Variants in THADA observed in about 807,000 individuals in gnomAD.
The protein encoded by THADA is tRNA (32-2'-O)-methyltransferase regulator THADA.
A neutral mutation model predicts 219.8 loss-of-function variants in THADA; 213 were observed. The ratio of observed to expected loss-of-function variants is 0.97; its 90% CI spans 0.87 to 1.09. The LOEUF (loss-of-function observed/expected upper bound fraction) is 1.09, where lower values mean the gene tolerates loss of function less well. Among genes scored for constraint, THADA ranks in the 50% least tolerant of loss-of-function variants. The pLI is 0.00. For missense variants in THADA, 2,956 were observed against 2,311.3 expected, an observed-to-expected ratio of 1.28 and a Z score of -5.72; for synonymous variants, 1,018 against 828.9, an observed-to-expected ratio of 1.23 and a Z score of -3.92.
rs1331011406 is a variant in THADA at position 43,574,988 on chromosome 2, G to C, written c.1077C>G (p.Ile359Met). ...EPTLEMFLSR[I>M]LASWTNSAIQ... ...TGGCTGAATTAGTCCAGGATGCTAA[G>C]ATTCTAGACAGAAACATTTCCAGCG... is the stretch of plus-strand genomic sequence containing the variant. Residue 359 changes from isoleucine to methionine, a missense_variant, in exon 11 of 38, where the codon ATC (isoleucine) becomes ATG (methionine). Physicochemically the swap from Ile to Met is conservative, Grantham distance 10. Transcript: ENST00000405975. 1.2e-6 allele frequency: 2 copies of C among 1,613,218 alleles called. No individual in the cohort carries two copies. The highest frequency in any genetic ancestry group is 1.7e-6 in the Non-Finnish European group (2 of 1,179,566).
chr2:43,539,236 T>G (rs905853220), intron 21 of THADA, among the ~76,000 whole-genome samples: 15 of 152,328 alleles, frequency 9.8e-5, no homozygotes, highest in African/African-American at 3.6e-4. Context: ...GTTTTACCAC[T>G]AGGCACAGAT....
intron 21 of THADA, among the ~76,000 whole-genome samples, chr2:43,540,697 T>C (rs898708283): frequency 2.6e-5 from 4 of 152,200 alleles, no homozygotes; most frequent in Admixed American, 6.5e-5. Flanking sequence ...GTGAACTAAC[T>C]TTGTGGTCTT....
intron 25 of THADA, among the ~76,000 whole-genome samples, chr2:43,496,414 T>C (rs1170238520): frequency 6.6e-6 from 1 of 152,182 alleles, no homozygotes; most frequent in Non-Finnish European, 1.5e-5. Context: ...CAAAAGAAAA[T>C]GCGACTCAGT....
intron 36 of THADA, among the ~76,000 whole-genome samples, chr2:43,235,892 C>T (rs1378025679): frequency 6.6e-6 from 1 of 151,832 alleles, no homozygotes; most frequent in Non-Finnish European, 1.5e-5. Context: ...CTGCAAGCTC[C>T]GTCTCCCGGG....
At chr2:43,397,499 A>C (rs1292275067) in intron 29 of THADA, among the ~76,000 whole-genome samples, 1 of 152,130 alleles carries the variant, frequency 6.6e-6, no homozygotes, top group Non-Finnish European at 1.5e-5. Flanking sequence ...AGCACAGAGA[A>C]AACAGGAAAG....
intron 9 of THADA, among the ~76,000 whole-genome samples, 168 bp from the exon 10 acceptor site, chr2:43,577,410 G>GA (rs1699975390): frequency 2.0e-5 from 3 of 151,704 alleles, no homozygotes; most frequent in South Asian, 4.1e-4. Flanking sequence ...AGTATTAAAG[G>GA]AAAAAAATTA....
chr2:43,354,492 C>T (rs1573230490), intron 29 of THADA, among the ~76,000 whole-genome samples: 1 of 151,256 alleles, frequency 6.6e-6, no homozygotes, highest in South Asian at 2.1e-4. Flanking sequence ...TTTTTGTACC[C>T]ATTAACTATC....
chr2:43,567,273 C>A (rs189312669), intron 14 of THADA, among the ~76,000 whole-genome samples: 6 of 152,102 alleles, frequency 3.9e-5, no homozygotes, highest in Non-Finnish European at 7.4e-5. Context: ...AGAAATAGGG[C>A]CATTACTGAA....
chr2:43,417,574 C>T (rs1041416399), intron 28 of THADA, among the ~76,000 whole-genome samples: 1 of 152,154 alleles, frequency 6.6e-6, no homozygotes, highest in African/African-American at 2.4e-5. Context: ...CAACGAAATG[C>T]CCAAGGGGGG....
At position 43,351,160 on chromosome 2, in the gene THADA, G is replaced by A. The variant is rs1367576573; in HGVS notation, c.4228-6923C>T. 2.6e-5 allele frequency among the ~76,000 whole-genome samples: 4 copies of A among 152,282 alleles called. No individual in the cohort carries two copies. In the East Asian group the frequency reaches 7.7e-4, roughly 29 times the overall value. ...GCCTCCAGCACTTATTTTACAAATG[G>A]CCAGCAAAGAAATATTCCTAAAGCC... On this transcript the variant is annotated intron_variant, in intron 29 of 37. Transcript: ENST00000405975.
In THADA at chr2:43,526,119, T is replaced by A. The variant is rs1047752879; in HGVS notation, c.3374+1760A>T. On this transcript the variant is annotated intron_variant, in intron 22 of 37. Transcript: ENST00000405975. ...ACAACAAAAGCCAGAGATCTGTCAA[T>A]AGGGCAAATACCCTTTTCCTTAAAG... 3.9e-5 allele frequency among the ~76,000 whole-genome samples: 6 copies of A among 152,210 alleles called. No individual in the cohort carries two copies. The East Asian group carries it at 1.2e-3, about 29-fold the overall frequency.
rs767494589 is a variant in THADA, at chr2:43,293,205, T to C, written c.4447A>G (p.Ser1483Gly). Reference sequence around the variant, plus strand: ...CTGACTTCCTCCCAGAAGCCAAGACTCTCCAGAACTAAGAAGCAAAAAAAG... The same window carrying C: ...CTGACTTCCTCCCAGAAGCCAAGACCCTCCAGAACTAAGAAGCAAAAAAAG... ...SAKDNQPVLE[S>G]LGFWEEVRGI... is the part of the protein sequence containing the mutation. The change falls in exon 32 of 38, where the codon AGT becomes GGT. Residue 1483 changes from serine to glycine, a missense_variant. Coordinates refer to ENST00000405975, the MANE Select transcript of THADA (RefSeq NM_022065.5). 6.2e-7 allele frequency: 1 copy of C among 1,601,292 alleles called. No individual in the cohort carries two copies. Among genetic ancestry groups the C allele is most frequent in the Non-Finnish European group, 8.5e-7 (1 of 1,171,870 alleles).
intron 22 of THADA, among the ~76,000 whole-genome samples, chr2:43,522,619 T>C (rs1004146402): frequency 9.2e-5 from 14 of 152,256 alleles, no homozygotes; most frequent in African/African-American, 3.4e-4. Flanking sequence ...GTCCCTCTGC[T>C]ATTGTCTAAA....
chr2:43,421,066 C>T (rs1302628146), intron 28 of THADA, among the ~76,000 whole-genome samples: 3 of 152,210 alleles, frequency 2.0e-5, no homozygotes, highest in Non-Finnish European at 2.9e-5. Context: ...TGCTTTATTT[C>T]AAAATGTATG....
chr2:43,377,977 T>G (rs1302683160), intron 29 of THADA, among the ~76,000 whole-genome samples: 2 of 152,202 alleles, frequency 1.3e-5, no homozygotes, highest in African/African-American at 4.8e-5. Flanking sequence ...TTGTAGAATG[T>G]CCCTCAATTT....
At chr2:43,249,564 ACT>A (rs1402968098) in intron 36 of THADA, among the ~76,000 whole-genome samples, 2 of 151,798 alleles carry the variant, frequency 1.3e-5, no homozygotes, top group Non-Finnish European at 2.9e-5. Context: ...AACATTAAAG[ACT>A]CTTTCTACGT....
At chr2:43,571,008 C>T (rs989710123) in intron 13 of THADA, among the ~76,000 whole-genome samples, 1 of 152,176 alleles carries the variant, frequency 6.6e-6, no homozygotes, top group Non-Finnish European at 1.5e-5. Flanking sequence ...GTAACCACAA[C>T]ACTTTGGGAG....
At chr2:43,543,987 G>C (rs549406340) in intron 20 of THADA, among the ~76,000 whole-genome samples, 373 of 152,234 alleles carry the variant, frequency 2.5e-3, no homozygotes, top group African/African-American at 8.7e-3. Context: ...TTTTCTTCTA[G>C]GGTTTTTATG....
At chr2:43,232,363 A>G (rs1199797892) in intron 37 of THADA, among the ~76,000 whole-genome samples, 1 of 152,042 alleles carries the variant, frequency 6.6e-6, no homozygotes, top group Admixed American at 6.6e-5. Flanking sequence ...TATTTTTAGT[A>G]GAGACGGGGT....
Sources: allele counts gnomAD v4.1 joint callset (sites outside exome capture counted in the v4.1 genomes callset), GRCh38; gene constraint gnomAD v4.1.1; transcripts MANE v1.5; gene names NCBI Gene and HGNC (gene_info 2026-07-23, HGNC 2026-07-21).